ABCG1: variants seen among roughly 807,000 people sequenced by gnomAD.
The protein encoded by ABCG1 is ATP binding cassette subfamily G member 1.
A neutral mutation model predicts 69.2 loss-of-function variants in ABCG1; 29 were observed. The ratio of observed to expected loss-of-function variants is 0.42; its 90% CI spans 0.31 to 0.57. The LOEUF is 0.57. ABCG1 is among the 20% of genes least tolerant of loss of function. The probability of loss-of-function intolerance (pLI) is 0.15; values close to 1 mark genes in which losing one functional copy is unlikely to be tolerated. For missense variants in ABCG1, 718 were observed against 898.1 expected (o/e 0.80, Z 2.56); for synonymous variants, 370 against 374.8 (o/e 0.99, Z 0.15).
chr21:42,257,450 C>T (rs1035758819), intron 2 of ABCG1, among the ~76,000 whole-genome samples: 1 of 152,242 alleles, frequency 6.6e-6, no homozygotes. Context: ...GTTAGCAGGA[C>T]GTACTTGGAG....
intron 2 of ABCG1, among the ~76,000 whole-genome samples, chr21:42,247,530 C>CT (rs2123629718): frequency 6.6e-6 from 1 of 152,302 alleles, no homozygotes; most frequent in Non-Finnish European, 1.5e-5. Flanking sequence ...TGGAAATGGA[C>CT]TTTCTGGGAA....
intron 2 of ABCG1, among the ~76,000 whole-genome samples, chr21:42,243,447 C>CGTGTGTGTGTGTGT (rs869095111): frequency 1.2e-5 from 1 of 81,512 alleles, no homozygotes; most frequent in South Asian, 3.4e-4. Flanking sequence ...TGTGTGTGCG[C>CGTGTGTGTGTGTGT]GTGTGTGTGT....
At chr21:42,218,745 A>G (rs2234715), upstream of ABCG1, among the ~76,000 whole-genome samples, 10,673 of 152,128 alleles carry the variant, frequency 0.07, 502 homozygotes, top group East Asian at 0.22. Context: ...AGCAGCAGCA[A>G]GAAAGAAGCC....
Position 42,296,770 on chromosome 21 carries a change from AG to A in ABCG1, c.*379del. ...GGGTCCTGGATGGGGAACTGCAAGC[AG>A]CCTCTCAGCTGATGGCTGCACAGTC... is the stretch of plus-strand genomic sequence containing the variant. On this transcript the variant is annotated 3_prime_UTR_variant, in exon 15 of 15. Transcript: ENST00000398449. This position sits in a 1 kb window ranked among gnomAD's most constrained non-coding sequence, Gnocchi z 5.4. The A allele has an allele frequency of 3.7e-6, 1 of 266,830 alleles. No individual in the cohort carries two copies. The highest frequency in any genetic ancestry group is 7.3e-6 in the Non-Finnish European group (1 of 136,898). The allele number at this position is 266,830 out of a possible 1,614,324, so 16.5% of individuals were successfully genotyped here.
At chr21:42,214,105 G>A (rs1173808840), upstream of ABCG1, among the ~76,000 whole-genome samples, 2 of 152,208 alleles carry the variant, frequency 1.3e-5, no homozygotes, top group Admixed American at 6.5e-5. Context: ...TGAATGTTGG[G>A]GTTCCCCCTA....
intron 1 of ABCG1, among the ~76,000 whole-genome samples, chr21:42,221,442 G>A (rs1317685369): frequency 6.6e-6 from 1 of 152,206 alleles, no homozygotes; most frequent in Non-Finnish European, 1.5e-5. Context: ...GTCAAAGGAG[G>A]TACTTGGGGG....
chr21:42,222,215 A>G lies in ABCG1; in HGVS notation c.42+2911A>G, dbSNP rs528569188. ...TAATTTTAATGAGCTCAGGAGGCTA[A>G]GGAGAAACTCGCTGTAACCTACATT... On this transcript the variant is annotated intron_variant, in intron 1 of 14. Coordinates refer to ENST00000398449, the MANE Select transcript of ABCG1 (RefSeq NM_016818.3). Among the ~76,000 whole-genome samples, 4 of 152,356 alleles carry G rather than the reference A, an allele frequency of 2.6e-5. No homozygotes were observed. The East Asian group carries it at 7.7e-4, about 29-fold the overall frequency.
At position 42,287,250 on chromosome 21, in the gene ABCG1, A is replaced by G. The variant is rs2068958697; in HGVS notation, c.974-639A>G. On this transcript the variant is annotated intron_variant, in intron 8 of 14. Transcript: ENST00000398449. This position sits in a 1 kb window ranked among gnomAD's most constrained non-coding sequence, Gnocchi z 6.2. ...GGAAGGAGTTGCAGGCTGCAGAGGA[A>G]GTCCAGGTGGAGGGAGACCTTAGGG... 6.6e-6 allele frequency among the ~76,000 whole-genome samples: 1 copy of G among 152,108 alleles called. No individual in the cohort carries two copies. The highest frequency in any genetic ancestry group is 1.5e-5 in the Non-Finnish European group (1 of 68,000).
At chr21:42,277,001 G>A in intron 5 of ABCG1, 56 bp downstream of exon 5, 4 of 1,585,430 alleles carry the variant, frequency 2.5e-6, no homozygotes, top group Non-Finnish European at 3.5e-6. Context: ...ACGTGCATGT[G>A]GAAGGTGTGC....
At chr21:42,275,245 T>C (rs2068689147) in intron 4 of ABCG1, among the ~76,000 whole-genome samples, 1 of 152,204 alleles carries the variant, frequency 6.6e-6, no homozygotes, top group South Asian at 2.1e-4. Context: ...AGCAGGAACC[T>C]GTGGGGCTGT....
intron 2 of ABCG1, among the ~76,000 whole-genome samples, chr21:42,229,433 G>C (rs1053466813): frequency 1.3e-5 from 2 of 152,186 alleles, no homozygotes; most frequent in African/African-American, 4.8e-5. Context: ...AAAGTGCCTG[G>C]TTCTGGCCGG....
At position 42,291,523 on chromosome 21, in the gene ABCG1, G is replaced by A; in HGVS notation, c.1520G>A (p.Ser507Asn). Residue 507 changes from serine (S) to asparagine (N), a missense_variant, in exon 13 of 15, where the codon AGC becomes AAC. This residue lies in a region of ABCG1 where 204 missense variants were observed against 323.8 expected (regional missense o/e 0.63). Coordinates refer to ENST00000398449, the MANE Select transcript of ABCG1 (RefSeq NM_016818.3). The surrounding 1 kb of genome is among the most constrained non-coding windows in gnomAD (Gnocchi z 6.4). ...ATCATGTTCCCAGTGGCCTACTGCA[G>A]CATCGTGTACTGGATGACGTCGCAG... ...FQIMFPVAYC[S>N]IVYWMTSQPS... is the part of the protein sequence containing the mutation. 1 of 1,613,104 alleles carries A rather than the reference G, an allele frequency of 6.2e-7. No individual in the cohort carries two copies. Among genetic ancestry groups the A allele is most frequent in the Non-Finnish European group, 8.5e-7 (1 of 1,179,328 alleles).
upstream of ABCG1, among the ~76,000 whole-genome samples, chr21:42,217,126 G>C (rs2067649509): frequency 6.6e-6 from 1 of 152,190 alleles, no homozygotes; most frequent in Non-Finnish European, 1.5e-5. Flanking sequence ...GACCAGCCAG[G>C]ATGGCCAGGC....
Position 42,294,698 on chromosome 21 carries a change from G to T in ABCG1, c.1772+38G>T, listed in dbSNP as rs200228618. ...GGGCACGCATGGCGTGGGGACCGAG[G>T]GTGACGGGGGAAGAACCGTCTCCAA... On this transcript the variant is annotated intron_variant, in intron 14 of 14. Coordinates refer to ENST00000398449, the MANE Select transcript of ABCG1 (RefSeq NM_016818.3). The T allele has an allele frequency of 2.2e-4, 353 of 1,581,156 alleles. 1 individual carries two copies. In the African/African-American group the frequency reaches 3.5e-3, roughly 15 times the overall value.
chr21:42,290,070 C>T lies in ABCG1; in HGVS notation c.1245C>T (p.Ile415=). ...MRDSVLTHLR[I]TSHIGIGLLI... Reference sequence around the variant, plus strand: ...CCCAGGTCCTGACACACCTGCGCATCACCTCGCACATTGGGATCGGCCTCC... The same window carrying T: ...CCCAGGTCCTGACACACCTGCGCATTACCTCGCACATTGGGATCGGCCTCC... The change falls in exon 11 of 15, where the codon ATC becomes ATT. Residue 415 remains isoleucine, a synonymous_variant. Transcript: ENST00000398449. The T allele has an allele frequency of 1.9e-6, 3 of 1,614,222 alleles. No homozygotes were observed. Among genetic ancestry groups the T allele is most frequent in the Non-Finnish European group, 2.5e-6 (3 of 1,180,036 alleles).
At chr21:42,205,844 A>G (rs114293033) in intron 2 of ABCG1, among the ~76,000 whole-genome samples, 1 of 151,340 alleles carries the variant, frequency 6.6e-6, no homozygotes, top group East Asian at 1.9e-4. Flanking sequence ...CCCTTTCCCG[A>G]CTGTTTTAGT....
intron 2 of ABCG1, chr21:42,256,307 G>T (rs1307158101): frequency 6.5e-7 from 1 of 1,535,146 alleles, no homozygotes; most frequent in Non-Finnish European, 8.8e-7. Flanking sequence ...CTTTTGCCCG[G>T]AGTCTACAGA....
At chr21:42,234,098 G>A (rs750312284) in intron 2 of ABCG1, among the ~76,000 whole-genome samples, 39 of 151,988 alleles carry the variant, frequency 2.6e-4, no homozygotes, top group Admixed American at 2.6e-4. Flanking sequence ...TTTATTTGGC[G>A]CTTTGCCTCA....
intron 5 of ABCG1, among the ~76,000 whole-genome samples, chr21:42,277,765 C>T (rs900195716): frequency 2.0e-5 from 3 of 152,182 alleles, no homozygotes; most frequent in South Asian, 2.1e-4. Context: ...GCCAATGGCT[C>T]GACATGGCCC....
Sources: gnomAD v4.1 joint callset for allele counts (sites outside exome capture counted in the v4.1 genomes callset) on GRCh38, gnomAD v4.1.1 for gene constraint, gnomAD v4.1.1 regional missense constraint, Gnocchi (gnomAD v3.1) non-coding constraint, MANE v1.5 for transcripts, NCBI Gene and HGNC (gene_info 2026-07-23, HGNC 2026-07-21) for gene names.